Variants in NIPBL observed in about 807,000 individuals in gnomAD.
The protein encoded by NIPBL is NIPBL cohesin loading factor.
A neutral mutation model predicts 321.8 loss-of-function variants in NIPBL; 19 were observed. That is an observed-to-expected ratio of 0.06 (90% CI 0.04 to 0.09). The LOEUF (loss-of-function observed/expected upper bound fraction) is 0.09. Ranked by LOEUF, NIPBL falls within the 10% of genes least tolerant of loss-of-function variation. The probability of loss-of-function intolerance (pLI) is 1.00; values close to 1 mark genes in which losing one functional copy is unlikely to be tolerated. For synonymous variants in NIPBL, 1,106 were observed against 1,114.1 expected (o/e 0.99, Z 0.14); for missense variants, 2,210 against 3,327.0 (o/e 0.66, Z 8.26).
At chr5:37,031,309 G>C (rs911930175) in intron 32 of NIPBL, among the ~76,000 whole-genome samples, 1 of 152,070 alleles carries the variant, frequency 6.6e-6, no homozygotes, top group Non-Finnish European at 1.5e-5. Flanking sequence ...TAAATGTATG[G>C]TGCTATCATT....
In NIPBL at chr5:37,044,747, G is replaced by T. The variant is rs778560762; in HGVS notation, c.6343+18G>T. 2 of 1,570,516 alleles carry T rather than the reference G, an allele frequency of 1.3e-6. No homozygotes were observed. The highest frequency in any genetic ancestry group is 4.5e-5 in the East Asian group (2 of 44,594). The stretch of plus-strand genomic sequence containing the variant: ...ATACTATGGTAAGTTCAATACCAGG[G>T]TTTTAAAATTATTCTGCTAGGTCCT... On this transcript the variant is annotated intron_variant, in intron 36 of 46. Transcript: ENST00000282516.
At chr5:36,899,586 A>G (rs1747046841) in intron 1 of NIPBL, among the ~76,000 whole-genome samples, 1 of 152,216 alleles carries the variant, frequency 6.6e-6, no homozygotes, top group Non-Finnish European at 1.5e-5. Context: ...TCAAAAGTGA[A>G]TTTTTAAATA....
At chr5:36,940,766 G>A (rs1302928676) in intron 1 of NIPBL, among the ~76,000 whole-genome samples, 2 of 152,038 alleles carry the variant, frequency 1.3e-5, no homozygotes, top group Non-Finnish European at 2.9e-5. Context: ...GTCTTAAAAT[G>A]AACATAAAAG....
rs1455880999 is a variant in NIPBL, at chr5:37,024,671, A to G, written c.5661A>G (p.Glu1887=). The change falls in exon 30 of 47, where the codon GAA becomes GAG. Residue 1887 remains glutamate (E), a synonymous_variant. Coordinates refer to ENST00000282516, the MANE Select transcript of NIPBL (RefSeq NM_133433.4). ...IEQPTFPKIT[E]MCVKMIRRVN... The stretch of plus-strand genomic sequence containing the variant: ...AACCAACATTTCCAAAAATCACAGA[A>G]ATGTGTGTAAAAATGATTCGCAGAG... 19 of 1,611,980 alleles carry G rather than the reference A, an allele frequency of 1.2e-5. No homozygotes were observed. Among genetic ancestry groups the G allele is most frequent in the Non-Finnish European group, 6.8e-6 (8 of 1,178,644 alleles).
chr5:36,898,084 A>G (rs896699052), intron 1 of NIPBL, among the ~76,000 whole-genome samples: 28 of 152,214 alleles, frequency 1.8e-4, no homozygotes, highest in African/African-American at 6.8e-4. Context: ...CAAACCTAAA[A>G]TGTCAAACAC....
intron 10 of NIPBL, among the ~76,000 whole-genome samples, chr5:36,989,721 C>T (rs896271047): frequency 1.3e-5 from 2 of 151,508 alleles, no homozygotes; most frequent in African/African-American, 4.9e-5. Flanking sequence ...ACTTGGTAGC[C>T]CCAGCTACTC....
chr5:36,896,277 A>G (rs1328506926), intron 1 of NIPBL, among the ~76,000 whole-genome samples: 3 of 152,218 alleles, frequency 2.0e-5, no homozygotes, highest in Non-Finnish European at 2.9e-5. Context: ...ATTTTATTCC[A>G]TCAGTCCATA....
intron 21 of NIPBL, among the ~76,000 whole-genome samples, chr5:37,013,044 A>T (rs1227698159): frequency 7.9e-6 from 1 of 126,468 alleles, no homozygotes; most frequent in Admixed American, 7.6e-5. Flanking sequence ...CGGGGGGCTG[A>T]CCCCCCCCCA....
At chr5:36,972,707 A>G (rs1375598969) in intron 8 of NIPBL, among the ~76,000 whole-genome samples, 3 of 152,138 alleles carry the variant, frequency 2.0e-5, no homozygotes, top group Non-Finnish European at 4.4e-5. Context: ...CTACCATCCC[A>G]TCTGTCTTAA....
At chr5:37,054,669 A>C (rs184703472) in intron 42 of NIPBL, among the ~76,000 whole-genome samples, 176 of 152,338 alleles carry the variant, frequency 1.2e-3, no homozygotes, top group African/African-American at 4.2e-3. Context: ...TCACAATGCA[A>C]TGCTTTCTTC....
intron 42 of NIPBL, among the ~76,000 whole-genome samples, chr5:37,056,882 T>C (rs979949880): frequency 1.3e-5 from 2 of 152,154 alleles, no homozygotes; most frequent in African/African-American, 4.8e-5. Flanking sequence ...GATAGCATAG[T>C]GTAAGTCATT....
chr5:37,043,449 C>T (rs1752658848), intron 34 of NIPBL, among the ~76,000 whole-genome samples: 1 of 151,922 alleles, frequency 6.6e-6, no homozygotes, highest in Admixed American at 6.6e-5. Context: ...GTTGCTTGAA[C>T]CCGGGAGGCA....
intron 30 of NIPBL, among the ~76,000 whole-genome samples, chr5:37,025,932 G>A (rs900405121): frequency 3.3e-5 from 5 of 151,862 alleles, no homozygotes; most frequent in Non-Finnish European, 7.4e-5. Context: ...TCCAAAAGCA[G>A]TAAATATATT....
At chr5:37,018,556 T>C (rs1409481315) in intron 24 of NIPBL, among the ~76,000 whole-genome samples, 1 of 152,152 alleles carries the variant, frequency 6.6e-6, no homozygotes, top group African/African-American at 2.4e-5. Flanking sequence ...GTTCCTTTTG[T>C]TGGTGAATTG....
intron 9 of NIPBL, 72 bp from the exon 10 acceptor site, chr5:36,984,604 C>A: frequency 1.5e-6 from 2 of 1,358,020 alleles, no homozygotes; most frequent in Non-Finnish European, 2.0e-6. Context: ...AGATAAACAA[C>A]GTCCATAGGG....
chr5:37,013,564 C>T (rs1561158430), intron 21 of NIPBL, among the ~76,000 whole-genome samples: 5 of 151,786 alleles, frequency 3.3e-5, no homozygotes, highest in Admixed American at 1.3e-4. Flanking sequence ...CCTCACATAC[C>T]GGACGGGGTG....
intron 38 of NIPBL, among the ~76,000 whole-genome samples, chr5:37,046,535 C>A (rs2149734286): frequency 6.6e-6 from 1 of 152,306 alleles, no homozygotes; most frequent in Non-Finnish European, 1.5e-5. Context: ...TAGAAGAATT[C>A]TGTGCTCTTT....
Position 37,060,969 on chromosome 5 carries a change from C to G in NIPBL, c.7811C>G (p.Ser2604Cys). 1 of 1,613,992 alleles carries G rather than the reference C, an allele frequency of 6.2e-7. No individual in the cohort carries two copies. Among genetic ancestry groups the G allele is most frequent in the Non-Finnish European group, 8.5e-7 (1 of 1,179,992 alleles). ...LDFLRSDMAN[S>C]KITEEVKRSI... ...TTCCTGCGGAGTGACATGGCTAATT[C>G]CAAAATCACAGAAGAGGTGAAAAGG... Residue 2604 changes from serine to cysteine, a missense_variant, in exon 45 of 47, where the codon TCC (serine) becomes TGC (cysteine). Ser to Cys is a moderately radical substitution (Grantham distance 112, BLOSUM62 -1). Around this residue, in one of 14 missense-constraint regions of NIPBL, gnomAD observed 159 missense variants for 319.2 expected, o/e 0.50. Coordinates refer to ENST00000282516, the MANE Select transcript of NIPBL (RefSeq NM_133433.4).
At position 37,016,403 on chromosome 5, in the gene NIPBL, AT is replaced by A. The variant is rs750364142; in HGVS notation, c.4776+246del. Among the ~76,000 whole-genome samples the A allele has an allele frequency of 1.9e-3, 277 of 146,482 alleles. 1 individual carries two copies. Among genetic ancestry groups the A allele is most frequent in the South Asian group, 8.4e-3 (39 of 4,670 alleles). ...TACATAAGATAACAGTGCTTTAACA[AT>A]TTTTTTTTTTTTGGAAATGTTATAT... On this transcript the variant is annotated intron_variant, in intron 23 of 46. Coordinates refer to ENST00000282516, the MANE Select transcript of NIPBL (RefSeq NM_133433.4).
Sources: allele counts gnomAD v4.1 joint callset (sites outside exome capture counted in the v4.1 genomes callset), GRCh38; gene constraint gnomAD v4.1.1; regional missense constraint gnomAD v4.1.1; transcripts MANE v1.5; gene names NCBI Gene and HGNC (gene_info 2026-07-23, HGNC 2026-07-21).